TKFC: variants seen among roughly 807,000 people sequenced by gnomAD.
TKFC encodes triokinase/FMN cyclase.
Under a neutral mutation model 61.0 loss-of-function variants are expected in TKFC, and 46 were observed. The observed-to-expected ratio is 0.75, with a 90% CI of 0.60 to 0.96. TKFC has a LOEUF of 0.96. Among genes scored for constraint, TKFC ranks in the 50% least tolerant of loss-of-function variants. The pLI is 0.00. For synonymous variants in TKFC, 314 were observed against 330.1 expected (o/e 0.95, Z 0.53); for missense variants, 715 against 777.5 (o/e 0.92, Z 0.96).
downstream of TKFC, chr11:61,349,442 C>T (rs1011695426): frequency 4.1e-5 from 27 of 665,226 alleles, 1 homozygote; most frequent in Admixed American, 1.0e-4. Context: ...ACCTGCCCAG[C>T]GGGAGGCAGG....
intron 2 of TKFC, among the ~76,000 whole-genome samples, chr11:61,336,876 G>A (rs1281054418): frequency 6.6e-6 from 1 of 152,086 alleles, no homozygotes; most frequent in African/African-American, 2.4e-5. Flanking sequence ...CGTGCTTCCT[G>A]GCACCACCAC....
In TKFC at chr11:61,349,182, C is replaced by T. The variant is rs1055300531; in HGVS notation, c.*2679C>T. 4 of 237,370 alleles carry T rather than the reference C, an allele frequency of 1.7e-5. No homozygotes were observed. Among genetic ancestry groups the T allele is most frequent in the African/African-American group, 6.6e-5 (3 of 45,616 alleles). 14.7% of individuals were successfully genotyped at this position (237,370 alleles called of 1,614,324 possible). On this transcript the variant is annotated 3_prime_UTR_variant, in exon 18 of 18. Transcript: ENST00000394900. Reference sequence around the variant, plus strand: ...TAGGAGCAAGACCCTTCCCGCTCTCCACCCTATTTCCTCCCCTGAAGAAGA... The same window carrying T: ...TAGGAGCAAGACCCTTCCCGCTCTCTACCCTATTTCCTCCCCTGAAGAAGA...
rs548930098 is a variant in TKFC at position 61,337,963 on chromosome 11, C to T, written c.26C>T (p.Ser9Leu). 29 of 1,607,962 alleles carry T rather than the reference C, an allele frequency of 1.8e-5. No homozygotes were observed. Among genetic ancestry groups the T allele is most frequent in the South Asian group, 1.1e-4 (10 of 90,368 alleles). Reference sequence around the variant, plus strand: ...CAGACCTCCAAGAAGCTGGTGAACTCGGTGGCTGGCTGTGCTGATGACGCT... The same window carrying T: ...CAGACCTCCAAGAAGCTGGTGAACTTGGTGGCTGGCTGTGCTGATGACGCT... MTSKKLVN[S>L]VAGCADDALA... Residue 9 changes from serine (S) to leucine (L), a missense_variant, in exon 3 of 18, where the codon TCG becomes TTG. Ser to Leu is a moderately radical substitution (Grantham distance 145). Transcript: ENST00000394900.
Position 61,345,252 on chromosome 11 carries a change from G to A in TKFC, c.1241-8G>A, listed in dbSNP as rs137978270. 2.0e-6 allele frequency: 3 copies of A among 1,537,848 alleles called. No homozygotes were observed. In the East Asian group the frequency reaches 6.8e-5, roughly 35 times the overall value. Reference sequence around the variant, plus strand: ...TCTGAATTCCTCCCCATCTCTCTCTGCCTGCAGCAATCCAGGAGTGGCTGA... The same window carrying A: ...TCTGAATTCCTCCCCATCTCTCTCTACCTGCAGCAATCCAGGAGTGGCTGA... On this transcript the variant is annotated splice_polypyrimidine_tract_variant and splice_region_variant and intron_variant, in intron 13 of 17. Transcript: ENST00000394900.
rs754138060 is a variant in TKFC at position 61,345,693 on chromosome 11, C to T, written c.1452-19C>T. ...TTGGTTCCCTATAGTGAGCCTCTTTCACTCTCTTTCCCTGCCAGGTATGGC... is the reference window on the plus strand; with the variant it reads ...TTGGTTCCCTATAGTGAGCCTCTTTTACTCTCTTTCCCTGCCAGGTATGGC... On this transcript the variant is annotated intron_variant, in intron 15 of 17. Transcript: ENST00000394900. 1.2e-6 allele frequency: 2 copies of T among 1,614,138 alleles called. No homozygotes were observed. The highest frequency in any genetic ancestry group is 1.7e-6 in the Non-Finnish European group (2 of 1,180,056).
At chr11:61,342,424 C>T in intron 7 of TKFC, 37 bp from the exon 8 acceptor site, 1 of 1,613,666 alleles carries the variant, frequency 6.2e-7, no homozygotes, top group African/African-American at 1.3e-5. Context: ...AATCCCCAGG[C>T]CTTGAGTGGG....
chr11:61,339,006 C>T, intron 3 of TKFC, 60 bp from the exon 4 acceptor site: 1 of 1,463,742 alleles, frequency 6.8e-7, no homozygotes, highest in Non-Finnish European at 9.5e-7. Flanking sequence ...TGTGGGAAGC[C>T]CCAGTGACTA....
chr11:61,334,770 T>C, intron 2 of TKFC, 39 bp downstream of exon 2: 1 of 1,613,848 alleles, frequency 6.2e-7, no homozygotes, highest in Non-Finnish European at 8.5e-7. Context: ...GGCAGCATGG[T>C]CTCAAAGCAG....
downstream of TKFC, chr11:61,350,644 A>G (rs1857356786): frequency 1.6e-6 from 1 of 615,196 alleles, no homozygotes; most frequent in African/African-American, 1.8e-5. Flanking sequence ...CACCCATCCC[A>G]CTAGACTAGC....
rs1857009972 is a variant in TKFC at position 61,344,268 on chromosome 11, C to T, written c.1235C>T (p.Ala412Val). The stretch of plus-strand genomic sequence containing the variant: ...TGTGGCACCACCCACAGCCGTGCGG[C>T]CAGAGGTTGGTGCCAGGGACTTTGC... ...GDCGTTHSRA[A>V]RAIQEWLKEG... The change falls in exon 13 of 18, where the codon GCC (alanine) becomes GTC (valine). Residue 412 changes from alanine to valine, a missense_variant. Transcript: ENST00000394900. The T allele has an allele frequency of 4.3e-6, 7 of 1,612,620 alleles. No homozygotes were observed. Among genetic ancestry groups the T allele is most frequent in the Non-Finnish European group, 5.9e-6 (7 of 1,179,784 alleles).
rs780343147 is a variant in TKFC at position 61,345,243 on chromosome 11, T to C, written c.1241-17T>C. 1 of 1,512,374 alleles carries C rather than the reference T, an allele frequency of 6.6e-7. No homozygotes were observed. Among genetic ancestry groups the C allele is most frequent in the Non-Finnish European group, 8.9e-7 (1 of 1,124,964 alleles). The allele number at this position is 1,512,374 out of a possible 1,614,324, so 93.7% of individuals were successfully genotyped here. On this transcript the variant is annotated splice_polypyrimidine_tract_variant and intron_variant, in intron 13 of 17. Transcript: ENST00000394900. ...GGGAGGATCTCTGAATTCCTCCCCA[T>C]CTCTCTCTGCCTGCAGCAATCCAGG...
chr11:61,350,479 G>A, downstream of TKFC: 2 of 1,598,406 alleles, frequency 1.3e-6, no homozygotes, highest in Admixed American at 1.7e-5. Flanking sequence ...GTCACACCAG[G>A]CCCAAGCTGT....
rs752818885 is a variant in TKFC at position 61,346,282 on chromosome 11, C to T, written c.1576-69C>T. The T allele has an allele frequency of 1.2e-6, 2 of 1,604,984 alleles. No homozygotes were observed. Among genetic ancestry groups the T allele is most frequent in the Non-Finnish European group, 1.7e-6 (2 of 1,179,412 alleles). On this transcript the variant is annotated intron_variant, in intron 17 of 17. Coordinates refer to ENST00000394900, the MANE Select transcript of TKFC (RefSeq NM_015533.4). The surrounding 1 kb of genome is among the most constrained non-coding windows in gnomAD (Gnocchi z 4.1). ...GGCCAGGCTGCACGGCAGAGACGTT[C>T]TGCCCATGGCAGGAAGGAGGCGGCC...
intron 11 of TKFC, 185 bp downstream of exon 11, chr11:61,343,643 G>A (rs1023536999): frequency 3.2e-5 from 28 of 873,200 alleles, no homozygotes; most frequent in Admixed American, 1.0e-4. Flanking sequence ...TTGGTATTAG[G>A]ATCCTCCTCA....
At chr11:61,336,247 T>G (rs901464356) in intron 2 of TKFC, 6 of 154,548 alleles carry the variant, frequency 3.9e-5, no homozygotes, top group African/African-American at 1.4e-4. Context: ...TGGCCCTGGC[T>G]GGATGCAGGA....
Position 61,348,302 on chromosome 11 carries a change from C to T in TKFC, c.*1799C>T. The T allele has an allele frequency of 1.0e-6, 1 of 984,694 alleles. No individual in the cohort carries two copies. The highest frequency in any genetic ancestry group is 1.2e-6 in the Non-Finnish European group (1 of 829,792). 61.0% of individuals were successfully genotyped at this position (984,694 alleles called of 1,614,324 possible). On this transcript the variant is annotated 3_prime_UTR_variant, in exon 18 of 18. Transcript: ENST00000394900. The stretch of plus-strand genomic sequence containing the variant: ...CGTGCCATTAGCTATTAAGGACACG[C>T]ACATAAATGAGCTGCATGTGAATCC...
intron 1 of TKFC, chr11:61,334,380 C>T: frequency 3.9e-6 from 1 of 256,344 alleles, no homozygotes; most frequent in Non-Finnish European, 7.7e-6. Flanking sequence ...GAAGTGGGTG[C>T]TGTTCCTGGA....
At chr11:61,339,229 T>C (rs1415412868) in intron 4 of TKFC, 25 bp from the exon 5 acceptor site, 1 of 1,612,040 alleles carries the variant, frequency 6.2e-7, no homozygotes, top group South Asian at 1.1e-5. Context: ...GTAAGCACAC[T>C]GAGCCCTTCC....
At position 61,347,655 on chromosome 11, in the gene TKFC, C is replaced by T; in HGVS notation, c.*1152C>T. ...GGCACTGTATGCATGTGGAGACAAA[C>T]AGCACATGCCTGGCACACATGTAGG... is the stretch of plus-strand genomic sequence containing the variant. On this transcript the variant is annotated 3_prime_UTR_variant, in exon 18 of 18. Coordinates refer to ENST00000394900, the MANE Select transcript of TKFC (RefSeq NM_015533.4). 1 of 985,292 alleles carries T rather than the reference C, an allele frequency of 1.0e-6. No homozygotes were observed. The highest frequency in any genetic ancestry group is 1.2e-6 in the Non-Finnish European group (1 of 829,944). 61.0% of individuals were successfully genotyped at this position (985,292 alleles called of 1,614,324 possible).
Sources: gnomAD v4.1 joint callset for allele counts (sites outside exome capture counted in the v4.1 genomes callset) on GRCh38, gnomAD v4.1.1 for gene constraint, Gnocchi (gnomAD v3.1) non-coding constraint, MANE v1.5 for transcripts, NCBI Gene and HGNC (gene_info 2026-07-23, HGNC 2026-07-21) for gene names.